Variants in LGR4 observed in about 807,000 individuals in gnomAD.
The protein encoded by LGR4 is leucine rich repeat containing G protein-coupled receptor 4, also known as leucine-rich repeat-containing G protein-coupled receptor 4.
LGR4 carries 44 observed loss-of-function variants against 84.8 expected under a neutral mutation model. The observed-to-expected ratio is 0.52, with a 90% CI of 0.41 to 0.67. The LOEUF (loss-of-function observed/expected upper bound fraction) is 0.67, where lower values mean the gene tolerates loss of function less well. Ranked by LOEUF, LGR4 falls within the 30% of genes least tolerant of loss-of-function variation. The pLI, the probability that LGR4 is intolerant of heterozygous loss-of-function variation, is 0.00. For missense variants in LGR4, 1,032 were observed against 1,131.4 expected, an observed-to-expected ratio of 0.91 and a Z score of 1.26; for synonymous variants, 429 against 434.3, an observed-to-expected ratio of 0.99 and a Z score of 0.15.
chr11:27,435,162 C>T (rs1041571301), intron 1 of LGR4, among the ~76,000 whole-genome samples: 2 of 151,940 alleles, frequency 1.3e-5, no homozygotes, highest in Non-Finnish European at 2.9e-5. Flanking sequence ...TGGTGAAAAC[C>T]CATGTCTACT....
At chr11:27,435,332 C>CA (rs1864189617) in intron 1 of LGR4, among the ~76,000 whole-genome samples, 2 of 151,376 alleles carry the variant, frequency 1.3e-5, no homozygotes, top group South Asian at 4.2e-4. Flanking sequence ...GACTCTGTCT[C>CA]AAAAAACAAA....
At chr11:27,385,689 T>C (rs1326120563) in intron 4 of LGR4, among the ~76,000 whole-genome samples, 1 of 152,162 alleles carries the variant, frequency 6.6e-6, no homozygotes, top group Admixed American at 6.5e-5. Context: ...TGTATCCAAA[T>C]CTATATTCTT....
intron 1 of LGR4, among the ~76,000 whole-genome samples, chr11:27,417,842 T>C (rs1391958073): frequency 1.3e-5 from 2 of 152,086 alleles, no homozygotes; most frequent in Non-Finnish European, 2.9e-5. Context: ...ATTTGCAAAA[T>C]GAAAAAAATC....
In LGR4 at chr11:27,424,292, T is replaced by C. The variant is rs116957913; in HGVS notation, c.186-11432A>G. Among the ~76,000 whole-genome samples the C allele has an allele frequency of 3.6e-3, 547 of 152,084 alleles. 3 individuals carry two copies. The highest frequency in any genetic ancestry group is 6.4e-3 in the Non-Finnish European group (433 of 67,974). Reference sequence around the variant, plus strand: ...CAGTGGCTCACCCCTGCAATTCCAGTACTTTGGGAGGCCGAGGAAGGAAGA... The same window carrying C: ...CAGTGGCTCACCCCTGCAATTCCAGCACTTTGGGAGGCCGAGGAAGGAAGA... On this transcript the variant is annotated intron_variant, in intron 1 of 17. Transcript: ENST00000379214.
rs571974807 is a variant in LGR4, at chr11:27,472,090, C to T, written c.185+28G>A. The T allele has an allele frequency of 1.6e-4, 209 of 1,287,014 alleles. 5 individuals carry two copies. The highest frequency in any genetic ancestry group is 1.6e-3 in the South Asian group (73 of 45,328). The allele number at this position is 1,287,014 out of a possible 1,614,324, so 79.7% of individuals were successfully genotyped here. On this transcript the variant is annotated intron_variant, in intron 1 of 17. Transcript: ENST00000379214. The stretch of plus-strand genomic sequence containing the variant: ...CCGCTGGGCCCCGTTTCCTCCCCCC[C>T]CCTCGCGTCCCCGCCGCCCGCACTC...
intron 4 of LGR4, among the ~76,000 whole-genome samples, chr11:27,389,178 C>CTT (rs1194990278): frequency 6.6e-6 from 1 of 152,082 alleles, no homozygotes; most frequent in Non-Finnish European, 1.5e-5. Context: ...CATGAGAGAA[C>CTT]TTTAACTCTA....
At position 27,391,178 on chromosome 11, in the gene LGR4, T is replaced by G; in HGVS notation, c.330-13A>C. ...ATTCTGGAGCGTTCTGAAAGAAAAT[T>G]TTTGGTTAGTGAGTAACAAGTGATA... On this transcript the variant is annotated splice_polypyrimidine_tract_variant and intron_variant, in intron 3 of 17. Transcript: ENST00000379214. 6.5e-7 allele frequency: 1 copy of G among 1,542,200 alleles called. No individual in the cohort carries two copies.
intron 1 of LGR4, among the ~76,000 whole-genome samples, chr11:27,464,016 A>G (rs908210804): frequency 2.0e-5 from 3 of 152,362 alleles, no homozygotes; most frequent in South Asian, 2.1e-4. Flanking sequence ...TGAAGAGCAC[A>G]TGAACAGTTT....
At chr11:27,457,853 C>T (rs190485666) in intron 1 of LGR4, among the ~76,000 whole-genome samples, 2 of 152,220 alleles carry the variant, frequency 1.3e-5, no homozygotes, top group Admixed American at 1.3e-4. Context: ...ACTGGCCAGG[C>T]ACAGTGGCTC....
chr11:27,472,459 G>A lies in LGR4; in HGVS notation c.-157C>T, dbSNP rs1378497158. The A allele has an allele frequency of 6.8e-6, 3 of 440,482 alleles. No homozygotes were observed. The highest frequency in any genetic ancestry group is 3.7e-5 in the East Asian group (1 of 26,776). The allele number at this position is 440,482 out of a possible 1,614,324, so 27.3% of individuals were successfully genotyped here. On this transcript the variant is annotated 5_prime_UTR_variant, in exon 1 of 18. Coordinates refer to ENST00000379214, the MANE Select transcript of LGR4 (RefSeq NM_018490.5). ...GGCTCGGCCCCTTCAGCAGTCCGCC[G>A]CAGCGGCGCAGGGACGCGGCGCTCC...
chr11:27,399,272 T>C (rs1358414073), intron 2 of LGR4, among the ~76,000 whole-genome samples: 1 of 152,072 alleles, frequency 6.6e-6, no homozygotes, highest in Non-Finnish European at 1.5e-5. Context: ...GTATCACAGG[T>C]GGTACCCAAA....
Position 27,385,362 on chromosome 11 carries a change from C to T in LGR4, c.508G>A (p.Val170Met), listed in dbSNP as rs751940116. Residue 170 changes from valine to methionine, a missense_variant, in exon 5 of 18, where the codon GTG becomes ATG. Physicochemically the swap from Val to Met is conservative, Grantham distance 21. Transcript: ENST00000379214. ...LDDNSLTEVP[V>M]HPLSNLPTLQ... ...GTGGGCAGATTGCTGAGGGGGTGCA[C>T]AGGCACCTCCGTCAAGCTGTTGTCA... is the stretch of plus-strand genomic sequence containing the variant. 2 of 1,612,270 alleles carry T rather than the reference C, an allele frequency of 1.2e-6. No individual in the cohort carries two copies. Among genetic ancestry groups the T allele is most frequent in the Non-Finnish European group, 1.7e-6 (2 of 1,179,286 alleles).
chr11:27,371,828 G>T, intron 16 of LGR4, 130 bp from the exon 17 acceptor site: 2 of 652,210 alleles, frequency 3.1e-6, no homozygotes, highest in Admixed American at 2.9e-5. Context: ...TATTAAAGAT[G>T]CTGGTAGCAT....
chr11:27,471,542 T>C (rs548838777), intron 1 of LGR4, among the ~76,000 whole-genome samples: 31 of 152,284 alleles, frequency 2.0e-4, no homozygotes, highest in African/African-American at 7.2e-4. Context: ...CCGAGGTAGG[T>C]GCCGGGACGC....
At chr11:27,448,076 T>G (rs1355651888) in intron 1 of LGR4, among the ~76,000 whole-genome samples, 1 of 152,186 alleles carries the variant, frequency 6.6e-6, no homozygotes, top group Non-Finnish European at 1.5e-5. Flanking sequence ...CAAAACTACT[T>G]ATGTATGAAA....
chr11:27,427,249 C>T (rs994136986), intron 1 of LGR4, among the ~76,000 whole-genome samples: 1 of 152,140 alleles, frequency 6.6e-6, no homozygotes, highest in Admixed American at 6.5e-5. Flanking sequence ...ATCAACATAT[C>T]TTTATTGGCA....
At position 27,472,439 on chromosome 11, in the gene LGR4, G is replaced by C. The variant is rs1281829443; in HGVS notation, c.-137C>G. 1.8e-6 allele frequency: 1 copy of C among 563,034 alleles called. No individual in the cohort carries two copies. The highest frequency in any genetic ancestry group is 4.5e-5 in the Admixed American group (1 of 22,234). 34.9% of individuals were successfully genotyped at this position (563,034 alleles called of 1,614,324 possible). ...CTTCCTCGGCGGTCCGCGCGGGCTC[G>C]GCCCCTTCAGCAGTCCGCCGCAGCG... On this transcript the variant is annotated 5_prime_UTR_variant, in exon 1 of 18. Coordinates refer to ENST00000379214, the MANE Select transcript of LGR4 (RefSeq NM_018490.5).
chr11:27,447,196 A>AAT (rs1565096647), intron 1 of LGR4, among the ~76,000 whole-genome samples: 2 of 151,896 alleles, frequency 1.3e-5, no homozygotes, highest in East Asian at 1.9e-4. Context: ...ATAATAATAA[A>AAT]AAAAAGCGCT....
At chr11:27,372,832 A>G (rs1416952870) in intron 15 of LGR4, among the ~76,000 whole-genome samples, 2 of 151,844 alleles carry the variant, frequency 1.3e-5, no homozygotes, top group African/African-American at 4.8e-5. Flanking sequence ...TGTAATGAAA[A>G]TATTTATTCT....
Sources: allele counts gnomAD v4.1 joint callset (sites outside exome capture counted in the v4.1 genomes callset), GRCh38; gene constraint gnomAD v4.1.1; transcripts MANE v1.5; gene names NCBI Gene and HGNC (gene_info 2026-07-23, HGNC 2026-07-21).